CHST9: variants seen among roughly 807,000 people sequenced by gnomAD.
The protein encoded by CHST9 is GalNAc-4-sulfotransferase 2.
Under a neutral mutation model 44.4 loss-of-function variants are expected in CHST9, and 41 were observed. The ratio of observed to expected loss-of-function variants is 0.92; its 90% confidence interval spans 0.72 to 1.20. The LOEUF is 1.20. CHST9 is among the 50% of genes most tolerant of loss of function. The probability of loss-of-function intolerance (pLI) is 0.00; values close to 1 mark genes in which losing one functional copy is unlikely to be tolerated. For synonymous variants in CHST9, 171 were observed against 178.4 expected, an observed-to-expected ratio of 0.96 and a Z score of 0.33; for missense variants, 504 against 516.5, an observed-to-expected ratio of 0.98 and a Z score of 0.23.
At chr18:27,075,052 A>G (rs978321566) in intron 2 of CHST9, among the ~76,000 whole-genome samples, 3 of 151,196 alleles carry the variant, frequency 2.0e-5, no homozygotes, top group Non-Finnish European at 4.4e-5. Flanking sequence ...GAGACTGTAG[A>G]TCACTGATAA....
rs543360728 is a variant in CHST9 at position 27,130,318 on chromosome 18, A to G, written c.121+12371T>C. 2.0e-5 allele frequency among the ~76,000 whole-genome samples: 3 copies of G among 152,308 alleles called. No homozygotes were observed. In the East Asian group the frequency reaches 5.8e-4, roughly 29 times the overall value. ...CACTAATGACCTAGTAATTATTTTA[A>G]TCGATTTTCAATGAACTGTGAAATA... On this transcript the variant is annotated intron_variant, in intron 2 of 5. Transcript: ENST00000618847.
intron 4 of CHST9, among the ~76,000 whole-genome samples, chr18:26,961,558 A>G (rs1352377881): frequency 1.3e-5 from 2 of 152,030 alleles, no homozygotes; most frequent in Non-Finnish European, 2.9e-5. Context: ...GCCTCCAAGT[A>G]GCTGGGACTA....
At chr18:26,983,436 G>A (rs544336078) in intron 4 of CHST9, among the ~76,000 whole-genome samples, 5 of 152,034 alleles carry the variant, frequency 3.3e-5, no homozygotes, top group East Asian at 3.9e-4. Flanking sequence ...GTGGTATTTC[G>A]CCCCCAACTC....
chr18:26,995,912 A>G (rs2056882454), intron 4 of CHST9, among the ~76,000 whole-genome samples: 1 of 152,216 alleles, frequency 6.6e-6, no homozygotes. Flanking sequence ...ATCAGCTGCA[A>G]TTTTAGTTTC....
At chr18:27,126,698 G>A (rs1227617713) in intron 2 of CHST9, among the ~76,000 whole-genome samples, 1 of 152,000 alleles carries the variant, frequency 6.6e-6, no homozygotes, top group Non-Finnish European at 1.5e-5. Flanking sequence ...GGTTTGTCCT[G>A]AGAGCCACTG....
chr18:26,941,270 CA>C (rs1284815017), intron 5 of CHST9, among the ~76,000 whole-genome samples: 1 of 152,128 alleles, frequency 6.6e-6, no homozygotes, highest in Non-Finnish European at 1.5e-5. Context: ...TCCTCTGCAC[CA>C]GAAACAGAGC....
At chr18:26,917,642 T>C (rs992692635) in intron 5 of CHST9, among the ~76,000 whole-genome samples, 11 of 152,154 alleles carry the variant, frequency 7.2e-5, no homozygotes, top group African/African-American at 2.2e-4. Flanking sequence ...TGAGCATCTA[T>C]GACTTTTGGG....
chr18:27,164,402 C>A, intron 1 of CHST9, among the ~76,000 whole-genome samples: 1 of 147,256 alleles, frequency 6.8e-6, no homozygotes, highest in Admixed American at 6.8e-5. Flanking sequence ...TAAGGTGATT[C>A]TTAGAAAGTA....
intron 4 of CHST9, among the ~76,000 whole-genome samples, chr18:26,969,370 C>CTG (rs577001525): frequency 0.032 from 3,929 of 121,880 alleles, 106 homozygotes; most frequent in African/African-American, 0.081. Context: ...TTCTCTCTCT[C>CTG]TCTCTCTGTG....
intron 1 of CHST9, among the ~76,000 whole-genome samples, chr18:27,163,190 G>A (rs1389420326): frequency 6.6e-6 from 1 of 152,178 alleles, no homozygotes. Context: ...TCTCAGAGGA[G>A]TACCTGGCCA....
intron 4 of CHST9, among the ~76,000 whole-genome samples, chr18:26,963,171 C>G (rs2056421814): frequency 6.6e-6 from 1 of 152,136 alleles, no homozygotes; most frequent in Non-Finnish European, 1.5e-5. Context: ...GAACCCAAGT[C>G]AGTCTGCCTC....
At chr18:27,081,976 TAA>T (rs985075928) in intron 2 of CHST9, among the ~76,000 whole-genome samples, 3 of 152,202 alleles carry the variant, frequency 2.0e-5, no homozygotes, top group African/African-American at 7.2e-5. Context: ...GACTTAATTC[TAA>T]AGTCACCTGC....
intron 2 of CHST9, among the ~76,000 whole-genome samples, chr18:27,095,333 G>T (rs2058106790): frequency 2.6e-5 from 4 of 152,086 alleles, no homozygotes; most frequent in African/African-American, 9.7e-5. Flanking sequence ...CTACCGTAAA[G>T]ACACACTTAA....
At chr18:26,917,393 A>G (rs375797260) in intron 5 of CHST9, 43 bp from the exon 6 acceptor site, 63 of 1,580,182 alleles carry the variant, frequency 4.0e-5, no homozygotes, top group Non-Finnish European at 5.1e-5. Context: ...CACAGTCACG[A>G]GTGTGGGTAT....
At chr18:27,086,671 A>G (rs1364504147) in intron 2 of CHST9, among the ~76,000 whole-genome samples, 1 of 152,202 alleles carries the variant, frequency 6.6e-6, no homozygotes, top group Non-Finnish European at 1.5e-5. Flanking sequence ...ACTAAAACAC[A>G]ATCTGAAAGT....
At chr18:27,095,324 T>C (rs2058106646) in intron 2 of CHST9, among the ~76,000 whole-genome samples, 1 of 152,146 alleles carries the variant, frequency 6.6e-6, no homozygotes, top group Admixed American at 6.5e-5. Flanking sequence ...AGGTTGATGC[T>C]ACCGTAAAGA....
intron 5 of CHST9, among the ~76,000 whole-genome samples, chr18:26,925,115 A>G (rs756568946): frequency 7.2e-5 from 11 of 152,008 alleles, no homozygotes; most frequent in Non-Finnish European, 1.2e-4. Flanking sequence ...TGGAGAAAAA[A>G]CTTGGTGCAT....
chr18:27,182,626 T>C (rs993201356), intron 1 of CHST9, among the ~76,000 whole-genome samples: 4 of 152,168 alleles, frequency 2.6e-5, no homozygotes, highest in Admixed American at 2.6e-4. Context: ...ATATTGAAGC[T>C]CTAATTAGAG....
intron 2 of CHST9, among the ~76,000 whole-genome samples, chr18:27,068,810 T>C (rs1295550282): frequency 1.3e-5 from 2 of 152,230 alleles, no homozygotes; most frequent in African/African-American, 2.4e-5. Flanking sequence ...AATGTGGTCA[T>C]GATTTCACAT....
Sources: gnomAD v4.1 joint callset for allele counts (sites outside exome capture counted in the v4.1 genomes callset) on GRCh38, gnomAD v4.1.1 for gene constraint, MANE v1.5 for transcripts, NCBI Gene and HGNC (gene_info 2026-07-23, HGNC 2026-07-21) for gene names.